The following LRRC4C variants were observed in gnomAD, a reference collection of about 807,000 sequenced individuals.
The protein encoded by LRRC4C is leucine-rich repeat-containing protein 4C.
LRRC4C carries 5 observed loss-of-function variants against 33.6 expected under a neutral mutation model. The ratio of observed to expected loss-of-function variants is 0.15; its 90% CI spans 0.08 to 0.31. The LOEUF (loss-of-function observed/expected upper bound fraction) is 0.31. Ranked by LOEUF, LRRC4C falls within the 10% of genes least tolerant of loss-of-function variation. The pLI, the probability that LRRC4C is intolerant of heterozygous loss-of-function variation, is 1.00. For synonymous variants in LRRC4C, 329 were observed against 302.0 expected (o/e 1.09, Z -0.93); for missense variants, 560 against 796.7 (o/e 0.70, Z 3.58).
At chr11:40,883,875 T>C (rs749137845) in intron 2 of LRRC4C, among the ~76,000 whole-genome samples, 3 of 148,136 alleles carry the variant, frequency 2.0e-5, no homozygotes, top group Non-Finnish European at 4.5e-5. Flanking sequence ...CTGATATCTA[T>C]GTGTGAACCA....
At chr11:40,612,658 AT>A (rs1216706584) in intron 3 of LRRC4C, among the ~76,000 whole-genome samples, 1 of 151,956 alleles carries the variant, frequency 6.6e-6, no homozygotes, top group Non-Finnish European at 1.5e-5. Context: ...TTTTTTAAAG[AT>A]TCGTGGTCTG....
intron 1 of LRRC4C, among the ~76,000 whole-genome samples, chr11:41,201,516 T>C (rs557751863): frequency 2.0e-5 from 3 of 152,302 alleles, no homozygotes; most frequent in Non-Finnish European, 2.9e-5. Context: ...ACAGAGTCTT[T>C]AAAGAAAAGT....
chr11:40,911,242 TG>T (rs2136270676), intron 2 of LRRC4C, among the ~76,000 whole-genome samples: 1 of 152,198 alleles, frequency 6.6e-6, no homozygotes, highest in East Asian at 1.9e-4. Flanking sequence ...ATGTACAGAC[TG>T]CGTCCTCAAG....
intron 6 of LRRC4C, among the ~76,000 whole-genome samples, chr11:40,131,361 G>A (rs1210104429): frequency 6.6e-6 from 1 of 152,134 alleles, no homozygotes; most frequent in Non-Finnish European, 1.5e-5. Flanking sequence ...TTGTGAAGAA[G>A]TAAATTACCA....
chr11:40,482,913 T>C (rs531000423), intron 3 of LRRC4C, among the ~76,000 whole-genome samples: 58 of 152,272 alleles, frequency 3.8e-4, no homozygotes, highest in South Asian at 2.5e-3. Context: ...GTACCTTCAA[T>C]GGGAGGAATG....
chr11:41,273,990 G>A (rs1225000309), intron 1 of LRRC4C, among the ~76,000 whole-genome samples: 8 of 152,128 alleles, frequency 5.3e-5, no homozygotes, highest in Non-Finnish European at 8.8e-5. Context: ...ACAGAGATCT[G>A]GAAAAGTGAG....
intron 2 of LRRC4C, among the ~76,000 whole-genome samples, chr11:40,817,132 T>C (rs1038484880): frequency 2.6e-5 from 4 of 152,176 alleles, no homozygotes; most frequent in African/African-American, 9.6e-5. Context: ...AACCTGGTTA[T>C]TCCTTTGCCT....
rs1352370699 is a variant in LRRC4C, at chr11:40,734,458, C to T, written c.-406-86180G>A. ...GACAATCAACAACAATACACATTCACCTAGCAAGGAAGAATGTATACTTCA... is the reference window on the plus strand; with the variant it reads ...GACAATCAACAACAATACACATTCATCTAGCAAGGAAGAATGTATACTTCA... On this transcript the variant is annotated intron_variant, in intron 2 of 6. Transcript: ENST00000528697. Among the ~76,000 whole-genome samples the T allele has an allele frequency of 2.0e-5, 3 of 152,148 alleles. No homozygotes were observed. The East Asian group carries it at 5.8e-4, about 29-fold the overall frequency.
chr11:40,948,592 C>A (rs965888158), intron 1 of LRRC4C, among the ~76,000 whole-genome samples: 2 of 144,290 alleles, frequency 1.4e-5, no homozygotes, highest in African/African-American at 2.6e-5. Flanking sequence ...TGTTCAATTC[C>A]CACCTATGAG....
chr11:40,506,632 T>C (rs1228753476), intron 3 of LRRC4C, among the ~76,000 whole-genome samples: 1 of 150,412 alleles, frequency 6.6e-6, no homozygotes, highest in African/African-American at 2.4e-5. Context: ...CTGCTTTTTA[T>C]TCTCATCTGA....
intron 3 of LRRC4C, among the ~76,000 whole-genome samples, chr11:40,558,695 A>T (rs1295691007): frequency 6.6e-6 from 1 of 152,098 alleles, no homozygotes; most frequent in South Asian, 2.1e-4. Context: ...AACGGACATG[A>T]TTTTTTAAAA....
chr11:40,746,662 C>T (rs143131998), intron 2 of LRRC4C, among the ~76,000 whole-genome samples: 134 of 152,224 alleles, frequency 8.8e-4, no homozygotes, highest in Non-Finnish European at 1.7e-3. Context: ...GCCTAAATGA[C>T]CAGGCTATGT....
chr11:41,045,346 T>C (rs1857700224), intron 1 of LRRC4C, among the ~76,000 whole-genome samples: 1 of 152,094 alleles, frequency 6.6e-6, no homozygotes, highest in Non-Finnish European at 1.5e-5. Flanking sequence ...TTTTTACATC[T>C]CTTCAAGCTG....
At chr11:40,590,570 C>T (rs182721375) in intron 3 of LRRC4C, among the ~76,000 whole-genome samples, 39,782 of 151,392 alleles carry the variant, frequency 0.26, 5,379 homozygotes, top group Middle Eastern at 0.36. Flanking sequence ...TTTAGAGTTT[C>T]CAGCTTTTCT....
chr11:40,332,057 C>A (rs1417267459), intron 3 of LRRC4C, among the ~76,000 whole-genome samples: 2 of 152,150 alleles, frequency 1.3e-5, no homozygotes, highest in African/African-American at 2.4e-5. Flanking sequence ...TGTGATGAAG[C>A]TTTTTCTATA....
intron 1 of LRRC4C, among the ~76,000 whole-genome samples, chr11:41,168,273 A>T (rs1478620156): frequency 6.6e-6 from 1 of 152,212 alleles, no homozygotes; most frequent in Non-Finnish European, 1.5e-5. Context: ...CTATCTGTTA[A>T]AAAACTGATG....
At chr11:40,941,827 ATAATT>A (rs1000076735) in intron 1 of LRRC4C, among the ~76,000 whole-genome samples, 2 of 152,158 alleles carry the variant, frequency 1.3e-5, no homozygotes, top group Non-Finnish European at 2.9e-5. Flanking sequence ...TACAGGGTTT[ATAATT>A]TAATTTAGAG....
At chr11:40,764,488 T>G (rs1357351219) in intron 2 of LRRC4C, among the ~76,000 whole-genome samples, 1 of 152,156 alleles carries the variant, frequency 6.6e-6, no homozygotes, top group East Asian at 1.9e-4. Flanking sequence ...GACTCCAGGC[T>G]CTGGCTCCCA....
rs537067229 is a variant in LRRC4C at position 40,138,447 on chromosome 11, C to G, written c.-43+2354G>C. Among the ~76,000 whole-genome samples the G allele has an allele frequency of 7.9e-5, 12 of 152,318 alleles. No homozygotes were observed. In the East Asian group the frequency reaches 2.3e-3, roughly 29 times the overall value. On this transcript the variant is annotated intron_variant, in intron 6 of 6. Transcript: ENST00000528697. ...TCTAAAGGGATGAAGACTAACACTA[C>G]TACTATGATGTACTAGCTGTAGTAT...
Sources: allele counts gnomAD v4.1 joint callset (sites outside exome capture counted in the v4.1 genomes callset), GRCh38; gene constraint gnomAD v4.1.1; transcripts MANE v1.5; gene names NCBI Gene and HGNC (gene_info 2026-07-23, HGNC 2026-07-21).